The following COTL1 variants were observed in gnomAD, a reference collection of about 807,000 sequenced individuals.
The protein encoded by COTL1 is coactosin-like protein.
A neutral mutation model predicts 16.5 loss-of-function variants in COTL1; 15 were observed. The ratio of observed to expected loss-of-function variants is 0.91; its 90% CI spans 0.61 to 1.40. The LOEUF is 1.40. Among genes scored for constraint, COTL1 ranks in the 40% most tolerant of loss-of-function variants. The pLI is 0.00. For synonymous variants in COTL1, 112 were observed against 85.3 expected, an observed-to-expected ratio of 1.31 and a Z score of -1.73; for missense variants, 220 against 201.5, an observed-to-expected ratio of 1.09 and a Z score of -0.56.
chr16:84,569,970 T>A (rs1904316506), intron 3 of COTL1, among the ~76,000 whole-genome samples: 1 of 152,220 alleles, frequency 6.6e-6, no homozygotes, highest in Admixed American at 6.5e-5. Context: ...TATTAGAAGA[T>A]TTAGATTAAG....
At position 84,566,230 on chromosome 16, in the gene COTL1, G is replaced by A. The variant is rs192385111; in HGVS notation, c.*615C>T. 2.2e-4 allele frequency: 34 copies of A among 152,906 alleles called. No homozygotes were observed. The highest frequency in any genetic ancestry group is 7.2e-4 in the African/African-American group (30 of 41,580). The allele number at this position is 152,906 out of a possible 1,614,324, so 9.5% of individuals were successfully genotyped here. On this transcript the variant is annotated 3_prime_UTR_variant, in exon 4 of 4. Transcript: ENST00000262428. Reference sequence around the variant, plus strand: ...CCGGACCTAACCTTCTCACCACCGAGCAATCCTGCCTATGCTGGACATGCA... The same window carrying A: ...CCGGACCTAACCTTCTCACCACCGAACAATCCTGCCTATGCTGGACATGCA...
At chr16:84,599,178 G>A (rs1905065132) in intron 2 of COTL1, among the ~76,000 whole-genome samples, 1 of 151,360 alleles carries the variant, frequency 6.6e-6, no homozygotes, top group Non-Finnish European at 1.5e-5. Flanking sequence ...CACCAGGGCG[G>A]CCCCCACCCA....
chr16:84,617,848 C>A lies in COTL1; in HGVS notation c.67G>T (p.Ala23Ser), dbSNP rs1301536262. 13 of 1,572,836 alleles carry A rather than the reference C, an allele frequency of 8.3e-6. No individual in the cohort carries two copies. Among genetic ancestry groups the A allele is most frequent in the Non-Finnish European group, 1.0e-5 (12 of 1,160,408 alleles). The change falls in exon 1 of 4, where the codon GCC becomes TCC. Residue 23 changes from alanine to serine, a missense_variant. Transcript: ENST00000262428. ...AYNLVRDDGS[A>S]VIWVTFKYDG... ...ATGAAAAGTTCCTACCAGATGACGG[C>A]CGAGCCGTCGTCGCGCACCAGGTTG...
intron 3 of COTL1, among the ~76,000 whole-genome samples, chr16:84,574,191 CAG>C (rs1383421161): frequency 3.9e-5 from 6 of 152,186 alleles, no homozygotes; most frequent in African/African-American, 1.4e-4. Flanking sequence ...AGCAACAACC[CAG>C]AGAGGGGACG....
chr16:84,594,592 C>T (rs4783029), intron 2 of COTL1: 10,607 of 152,282 alleles, frequency 0.07, 471 homozygotes, highest in East Asian at 0.16. Context: ...GCTGAACATC[C>T]GCCTCCGACT....
At chr16:84,615,853 T>TTGTGTGTGTGTGTGTGTGTGTGTG (rs112335989) in intron 2 of COTL1, among the ~76,000 whole-genome samples, 112 of 149,810 alleles carry the variant, frequency 7.5e-4, no homozygotes, top group African/African-American at 2.6e-3. Flanking sequence ...AATTTTAGTT[T>TTGTGTGTGTGTGTGTGTGTGTGTG]TGTGTGTGTG....
intron 3 of COTL1, among the ~76,000 whole-genome samples, chr16:84,587,302 G>A (rs1346547371): frequency 1.3e-5 from 2 of 152,200 alleles, no homozygotes; most frequent in African/African-American, 2.4e-5. Context: ...CAGGCACAGT[G>A]CTAGCACTGC....
chr16:84,580,647 T>C (rs1904567138), intron 3 of COTL1, among the ~76,000 whole-genome samples: 2 of 152,096 alleles, frequency 1.3e-5, no homozygotes, highest in Non-Finnish European at 2.9e-5. Flanking sequence ...TCCCCCACCA[T>C]CTGGCTTCCA....
chr16:84,617,607 A>T (rs1239450266), intron 1 of COTL1, 24 bp from the exon 2 acceptor site: 1 of 1,533,006 alleles, frequency 6.5e-7, no homozygotes, highest in Admixed American at 2.0e-5. Context: ...GAAGAAAAAA[A>T]CACACACACA....
chr16:84,615,389 A>G (rs1486798388), intron 2 of COTL1, among the ~76,000 whole-genome samples: 1 of 152,202 alleles, frequency 6.6e-6, no homozygotes, highest in Non-Finnish European at 1.5e-5. Context: ...GTGTTCTCCC[A>G]CTACACCAGA....
At chr16:84,574,094 G>A (rs979852938) in intron 3 of COTL1, among the ~76,000 whole-genome samples, 7 of 152,274 alleles carry the variant, frequency 4.6e-5, no homozygotes, top group African/African-American at 1.7e-4. Context: ...CTTGAGCCTG[G>A]GAGGTCGAGG....
At chr16:84,614,067 G>C (rs1905403954) in intron 2 of COTL1, among the ~76,000 whole-genome samples, 1 of 152,232 alleles carries the variant, frequency 6.6e-6, no homozygotes, top group Non-Finnish European at 1.5e-5. Context: ...AGGAGGAGGA[G>C]AGGCTGTTTG....
chr16:84,615,397 A>T (rs757443648), intron 2 of COTL1, among the ~76,000 whole-genome samples: 11 of 152,156 alleles, frequency 7.2e-5, no homozygotes, highest in Non-Finnish European at 1.3e-4. Flanking sequence ...CCACTACACC[A>T]GAGTGGGCTG....
chr16:84,599,763 A>G (rs1905074901), intron 2 of COTL1, among the ~76,000 whole-genome samples: 2 of 152,156 alleles, frequency 1.3e-5, no homozygotes, highest in Non-Finnish European at 2.9e-5. Context: ...ACGGCTCAGG[A>G]AGGGAAAAAA....
chr16:84,602,189 C>T (rs951494697), intron 2 of COTL1, among the ~76,000 whole-genome samples: 11 of 134,908 alleles, frequency 8.2e-5, no homozygotes, highest in Non-Finnish European at 1.5e-4. Context: ...TTTGCAGCTG[C>T]GTTTCAGTTC....
intron 3 of COTL1, among the ~76,000 whole-genome samples, chr16:84,583,565 TC>T (rs1275765543): frequency 6.6e-6 from 1 of 152,150 alleles, no homozygotes. Context: ...CAAGCGATCC[TC>T]CCACCTCAGA....
Position 84,566,876 on chromosome 16 carries a change from C to T in COTL1, c.398G>A (p.Gly133Glu). The change falls in exon 4 of 4, where the codon GGG becomes GAG. Residue 133 changes from glycine (G) to glutamate (E), a missense_variant. Coordinates refer to ENST00000262428, the MANE Select transcript of COTL1 (RefSeq NM_021149.5). ...DFIKSELKKA[G>E]GANYDAQTE ...CGTCTGGGCGTCGTAATTGGCTCCC[C>T]CCGCCTTCTTCAGCTCGCTCTTGAT... 1 of 1,613,878 alleles carries T rather than the reference C, an allele frequency of 6.2e-7. No homozygotes were observed. The highest frequency in any genetic ancestry group is 8.5e-7 in the Non-Finnish European group (1 of 1,179,868).
chr16:84,574,549 T>A (rs917960005), intron 3 of COTL1, among the ~76,000 whole-genome samples: 6 of 152,208 alleles, frequency 3.9e-5, no homozygotes, highest in Admixed American at 2.0e-4. Flanking sequence ...CTTGAATGGT[T>A]TGGAATTATG....
At chr16:84,582,172 T>C (rs1904612506) in intron 3 of COTL1, among the ~76,000 whole-genome samples, 1 of 151,928 alleles carries the variant, frequency 6.6e-6, no homozygotes, top group Admixed American at 6.6e-5. Context: ...TTTTTGTATT[T>C]TTAGTAGAGA....
Sources: allele counts gnomAD v4.1 joint callset (sites outside exome capture counted in the v4.1 genomes callset), GRCh38; gene constraint gnomAD v4.1.1; transcripts MANE v1.5; gene names NCBI Gene and HGNC (gene_info 2026-07-23, HGNC 2026-07-21).